Variants in ATXN10 observed in about 807,000 individuals in gnomAD.
ATXN10 encodes ataxin-10.
In ATXN10, 28 loss-of-function variants were observed where a neutral mutation model predicts 52.9. The ratio of observed to expected loss-of-function variants is 0.53; its 90% CI spans 0.39 to 0.73. The LOEUF (loss-of-function observed/expected upper bound fraction) is 0.73, where lower values mean the gene tolerates loss of function less well. ATXN10 is among the 30% of genes least tolerant of loss of function. The pLI, the probability that ATXN10 is intolerant of heterozygous loss-of-function variation, is 0.00. For missense variants in ATXN10, 565 were observed against 577.0 expected (o/e 0.98, Z 0.21); for synonymous variants, 226 against 221.5 (o/e 1.02, Z -0.18).
Position 45,781,470 on chromosome 22 carries a change from A to C in ATXN10, c.1174-25489A>C, listed in dbSNP as rs575495097. Among the ~76,000 whole-genome samples the C allele has an allele frequency of 3.9e-4, 59 of 152,304 alleles. No individual in the cohort carries two copies. The highest frequency in any genetic ancestry group is 6.2e-4 in the Non-Finnish European group (42 of 68,022). On this transcript the variant is annotated intron_variant, in intron 9 of 11. Coordinates refer to ENST00000252934, the MANE Select transcript of ATXN10 (RefSeq NM_013236.4). This position sits in a 1 kb window ranked among gnomAD's most constrained non-coding sequence, Gnocchi z 4.2. Reference sequence around the variant, plus strand: ...GCAGTAGTGAGCTGCTCTGCCTTCCACGTGCTGTTGTTGAACGAGCTCTGC... The same window carrying C: ...GCAGTAGTGAGCTGCTCTGCCTTCCCCGTGCTGTTGTTGAACGAGCTCTGC...
intron 9 of ATXN10, among the ~76,000 whole-genome samples, chr22:45,791,067 C>G (rs936545020): frequency 6.6e-6 from 1 of 152,152 alleles, no homozygotes; most frequent in South Asian, 2.1e-4. Context: ...CTATGTTGCC[C>G]AGGCTGGTCT....
rs567753376 is a variant in ATXN10, at chr22:45,718,144, G to GC, written c.648-266dup. ...CTCAACTTAGATAACAGCTATAGTAGCCCTGTCTTCCCGTTGAATCAATTT... is the reference window on the plus strand; with the variant it reads ...CTCAACTTAGATAACAGCTATAGTAGCCCCTGTCTTCCCGTTGAATCAATTT... On this transcript the variant is annotated intron_variant, in intron 5 of 11. Transcript: ENST00000252934. This position sits in a 1 kb window ranked among gnomAD's most constrained non-coding sequence, Gnocchi z 4.4. Among the ~76,000 whole-genome samples the GC allele has an allele frequency of 1.7e-3, 253 of 152,232 alleles. No individual in the cohort carries two copies. Among genetic ancestry groups the GC allele is most frequent in the Non-Finnish European group, 2.9e-3 (194 of 68,018 alleles).
chr22:45,761,055 T>G (rs1010030447), intron 9 of ATXN10, among the ~76,000 whole-genome samples: 1 of 152,242 alleles, frequency 6.6e-6, no homozygotes, highest in African/African-American at 2.4e-5. Context: ...TATTGTTGTT[T>G]TCCTTTTGGG....
chr22:45,733,243 A>G lies in ATXN10; in HGVS notation c.894+3653A>G, dbSNP rs928133383. 3.9e-5 allele frequency among the ~76,000 whole-genome samples: 6 copies of G among 152,076 alleles called. No homozygotes were observed. Among genetic ancestry groups the G allele is most frequent in the East Asian group, 3.9e-4 (2 of 5,176 alleles). On this transcript the variant is annotated intron_variant, in intron 7 of 11. Transcript: ENST00000252934. This position sits in a 1 kb window ranked among gnomAD's most constrained non-coding sequence, Gnocchi z 4.4. Reference sequence around the variant, plus strand: ...TTTGCATTCTGTTTTAATCTTTGCAACCCCAGGTTAGGCCATACTGTAGTA... The same window carrying G: ...TTTGCATTCTGTTTTAATCTTTGCAGCCCCAGGTTAGGCCATACTGTAGTA...
chr22:45,826,575 A>G lies in ATXN10; in HGVS notation c.1238-16416A>G, dbSNP rs1928821457. On this transcript the variant is annotated intron_variant, in intron 10 of 11. Coordinates refer to ENST00000252934, the MANE Select transcript of ATXN10 (RefSeq NM_013236.4). The surrounding 1 kb of genome is among the most constrained non-coding windows in gnomAD (Gnocchi z 5.0). ...CCATCACATGCAAGAGATAATCCAT[A>G]GGATTACCAGCAGTTTTCTTATTAG... Among the ~76,000 whole-genome samples the G allele has an allele frequency of 6.6e-6, 1 of 152,248 alleles. No homozygotes were observed. Among genetic ancestry groups the G allele is most frequent in the African/African-American group, 2.4e-5 (1 of 41,462 alleles).
At position 45,718,621 on chromosome 22, in the gene ATXN10, A is replaced by G. The variant is rs1481105000; in HGVS notation, c.728+128A>G. The G allele has an allele frequency of 2.3e-6, 2 of 877,786 alleles. No homozygotes were observed. Among genetic ancestry groups the G allele is most frequent in the African/African-American group, 3.3e-5 (2 of 60,370 alleles). The allele number at this position is 877,786 out of a possible 1,614,324, so 54.4% of individuals were successfully genotyped here. Reference sequence around the variant, plus strand: ...TCTAAATACATGTTTCTGTGTTGGTAATGGTTTTAAATTGGTTGGTTAACA... The same window carrying G: ...TCTAAATACATGTTTCTGTGTTGGTGATGGTTTTAAATTGGTTGGTTAACA... On this transcript the variant is annotated intron_variant, in intron 6 of 11. Transcript: ENST00000252934. This position sits in a 1 kb window ranked among gnomAD's most constrained non-coding sequence, Gnocchi z 4.4.
chr22:45,815,303 G>A (rs1982132687), intron 10 of ATXN10, among the ~76,000 whole-genome samples: 1 of 152,186 alleles, frequency 6.6e-6, no homozygotes, highest in Non-Finnish European at 1.5e-5. Context: ...TATGGTAATA[G>A]AAGTCAGAAT....
At chr22:45,672,320 A>G in intron 1 of ATXN10, 141 bp downstream of exon 1, 1 of 951,556 alleles carries the variant, frequency 1.1e-6, no homozygotes, top group Non-Finnish European at 1.3e-6. Context: ...CCTGAGCGCC[A>G]CCCAGGCCTC....
chr22:45,837,762 C>T lies in ATXN10; in HGVS notation c.1238-5229C>T, dbSNP rs909844877. On this transcript the variant is annotated intron_variant, in intron 10 of 11. Coordinates refer to ENST00000252934, the MANE Select transcript of ATXN10 (RefSeq NM_013236.4). The surrounding 1 kb of genome is among the most constrained non-coding windows in gnomAD (Gnocchi z 5.8). ...GCAAGTGATGGGCATGGCTGTGTGC[C>T]GTAGAACCTTGTTTACGGATACGGA... Among the ~76,000 whole-genome samples the T allele has an allele frequency of 2.0e-5, 3 of 152,186 alleles. No homozygotes were observed. Among genetic ancestry groups the T allele is most frequent in the Non-Finnish European group, 2.9e-5 (2 of 68,054 alleles).
At chr22:45,692,300 C>G (rs1923415657) in intron 2 of ATXN10, among the ~76,000 whole-genome samples, 1 of 151,972 alleles carries the variant, frequency 6.6e-6, no homozygotes, top group South Asian at 2.1e-4. Context: ...GTAGGGCCAG[C>G]AAAGCAAGGG....
At chr22:45,680,430 A>G (rs987477862) in intron 1 of ATXN10, among the ~76,000 whole-genome samples, 18 of 152,176 alleles carry the variant, frequency 1.2e-4, no homozygotes, top group African/African-American at 4.1e-4. Context: ...TGCCATTCAT[A>G]ATAAAATTGC....
rs999003742 is a variant in ATXN10, at chr22:45,715,086, G to A, written c.648-3327G>A. ...ATGCAGAACTCAGTCCTTCCTTTAC[G>A]ATGTCTCAGTTCTACTATTTTAAGT... is the stretch of plus-strand genomic sequence containing the variant. On this transcript the variant is annotated intron_variant, in intron 5 of 11. Coordinates refer to ENST00000252934, the MANE Select transcript of ATXN10 (RefSeq NM_013236.4). This position sits in a 1 kb window ranked among gnomAD's most constrained non-coding sequence, Gnocchi z 4.4. 4.9e-4 allele frequency among the ~76,000 whole-genome samples: 75 copies of A among 152,074 alleles called. No homozygotes were observed. Among genetic ancestry groups the A allele is most frequent in the Admixed American group, 4.8e-3 (74 of 15,264 alleles).
chr22:45,689,722 C>A lies in ATXN10; in HGVS notation c.127C>A (p.Pro43Thr). The A allele has an allele frequency of 7.4e-6, 12 of 1,613,844 alleles. No individual in the cohort carries two copies. The highest frequency in any genetic ancestry group is 1.0e-5 in the Non-Finnish European group (12 of 1,179,818). Residue 43 changes from proline to threonine, a missense_variant, in exon 2 of 12, where the codon CCC (proline) becomes ACC (threonine). Pro to Thr is a conservative substitution (Grantham distance 38). Coordinates refer to ENST00000252934, the MANE Select transcript of ATXN10 (RefSeq NM_013236.4). ...FKEQRNRETA[P>T]RTIFQRVLDI... ...TTTATCCTTTTTCAGAGAAACAGCACCCAGGACTATCTTCCAAAGAGTTCT... is the reference window on the plus strand; with the variant it reads ...TTTATCCTTTTTCAGAGAAACAGCAACCAGGACTATCTTCCAAAGAGTTCT...
rs71315146 is a variant in ATXN10, at chr22:45,727,331, ATATC to A, written c.729-2052_729-2049del. 3.3e-3 allele frequency among the ~76,000 whole-genome samples: 484 copies of A among 146,784 alleles called. 2 individuals carry two copies. The highest frequency in any genetic ancestry group is 6.9e-3 in the South Asian group (31 of 4,468). On this transcript the variant is annotated intron_variant, in intron 6 of 11. Coordinates refer to ENST00000252934, the MANE Select transcript of ATXN10 (RefSeq NM_013236.4). The surrounding 1 kb of genome is among the most constrained non-coding windows in gnomAD (Gnocchi z 4.6). ...GTTCTGTCTGTCTGTCTATCTATCT[ATATC>A]TATCTATCTATCTATCTATCTATCT...
chr22:45,710,371 C>T (rs1211336718), intron 5 of ATXN10, among the ~76,000 whole-genome samples: 5 of 152,192 alleles, frequency 3.3e-5, no homozygotes, highest in Non-Finnish European at 7.3e-5. Flanking sequence ...TTTTAGGTCT[C>T]TGTTCAAATA....
chr22:45,802,445 C>T (rs1369752261), intron 9 of ATXN10, among the ~76,000 whole-genome samples: 1 of 152,228 alleles, frequency 6.6e-6, no homozygotes, highest in Non-Finnish European at 1.5e-5. Context: ...TATCGTCAGT[C>T]ACCCTTCCTG....
At chr22:45,682,580 G>T (rs911146206) in intron 1 of ATXN10, among the ~76,000 whole-genome samples, 1 of 152,140 alleles carries the variant, frequency 6.6e-6, no homozygotes, top group Non-Finnish European at 1.5e-5. Context: ...AAAGTGCTGG[G>T]ATTACAGGCA....
rs912187858 is a variant in ATXN10 at position 45,789,547 on chromosome 22, A to G, written c.1174-17412A>G. On this transcript the variant is annotated intron_variant, in intron 9 of 11. Coordinates refer to ENST00000252934, the MANE Select transcript of ATXN10 (RefSeq NM_013236.4). The surrounding 1 kb of genome is among the most constrained non-coding windows in gnomAD (Gnocchi z 4.0). ...ACAGCTCAACTCAAAGAGGGATTCA[A>G]TTGTCACCGCCCTGGGAAGGCGCCA... is the stretch of plus-strand genomic sequence containing the variant. Among the ~76,000 whole-genome samples the G allele has an allele frequency of 1.3e-5, 2 of 152,170 alleles. No homozygotes were observed. The highest frequency in any genetic ancestry group is 2.9e-5 in the Non-Finnish European group (2 of 68,032).
intron 7 of ATXN10, among the ~76,000 whole-genome samples, chr22:45,736,163 C>T (rs557231096): frequency 6.6e-6 from 1 of 152,006 alleles, no homozygotes; most frequent in Non-Finnish European, 1.5e-5. Context: ...AAATTTCAAA[C>T]ATAGACTAAG....
Sources: gnomAD v4.1 joint callset for allele counts (sites outside exome capture counted in the v4.1 genomes callset) on GRCh38, gnomAD v4.1.1 for gene constraint, Gnocchi (gnomAD v3.1) non-coding constraint, MANE v1.5 for transcripts, NCBI Gene and HGNC (gene_info 2026-07-23, HGNC 2026-07-21) for gene names.